The following PKIG variants were observed in gnomAD, a reference collection of about 807,000 sequenced individuals.
PKIG encodes protein kinase (cAMP-dependent, catalytic) inhibitor gamma.
A neutral mutation model predicts 6.8 loss-of-function variants in PKIG; 1 was observed. The ratio of observed to expected loss-of-function variants is 0.15; its 90% confidence interval spans 0.05 to 0.69. The LOEUF (loss-of-function observed/expected upper bound fraction) is 0.69. Ranked by LOEUF, PKIG falls within the 30% of genes least tolerant of loss-of-function variation. PKIG has a pLI of 0.82. For synonymous variants in PKIG, 39 were observed against 43.0 expected, an observed-to-expected ratio of 0.91 and a Z score of 0.36; for missense variants, 77 against 104.0, an observed-to-expected ratio of 0.74 and a Z score of 1.13.
chr20:44,574,789 C>T (rs956786719), intron 1 of PKIG, among the ~76,000 whole-genome samples: 1 of 151,838 alleles, frequency 6.6e-6, no homozygotes, highest in Non-Finnish European at 1.5e-5. Context: ...AGGCTGGTCT[C>T]GAACTCCTGA....
At chr20:44,545,708 G>T (rs962880995) in intron 1 of PKIG, among the ~76,000 whole-genome samples, 3 of 152,034 alleles carry the variant, frequency 2.0e-5, no homozygotes, top group Non-Finnish European at 4.4e-5. Context: ...CTAGCTACTT[G>T]GGAGGCTGAA....
At chr20:44,545,679 G>T (rs1475390761) in intron 1 of PKIG, among the ~76,000 whole-genome samples, 8 of 151,976 alleles carry the variant, frequency 5.3e-5, no homozygotes, top group Admixed American at 5.2e-4. Context: ...GCCAGATGTG[G>T]TGGTGTGTCC....
chr20:44,618,489 G>A lies in PKIG; in HGVS notation c.*125G>A. On this transcript the variant is annotated 3_prime_UTR_variant, in exon 4 of 4. Coordinates refer to ENST00000372886, the MANE Select transcript of PKIG (RefSeq NM_001281445.2). Reference sequence around the variant, plus strand: ...TCCCAGATAAACCAGGCCAGACTGAGAAGGCTCCCCAGAGGCCTCTGTGGC... The same window carrying A: ...TCCCAGATAAACCAGGCCAGACTGAAAAGGCTCCCCAGAGGCCTCTGTGGC... 1.4e-6 allele frequency: 1 copy of A among 727,278 alleles called. No individual in the cohort carries two copies. The highest frequency in any genetic ancestry group is 2.4e-6 in the Non-Finnish European group (1 of 408,886). The allele number at this position is 727,278 out of a possible 1,614,324, so 45.1% of individuals were successfully genotyped here. A position where few individuals can be genotyped will look rare whatever the true frequency, so the allele number is the denominator to read the frequency against.
At chr20:44,589,932 T>C (rs961297284) in intron 2 of PKIG, 66 bp downstream of exon 2, 1 of 152,350 alleles carries the variant, frequency 6.6e-6, no homozygotes, top group African/African-American at 2.4e-5. Flanking sequence ...AATATCTTTA[T>C]TTCTGGTTGA....
intron 2 of PKIG, among the ~76,000 whole-genome samples, chr20:44,596,691 C>T (rs376384968): frequency 1.6e-4 from 25 of 152,268 alleles, no homozygotes; most frequent in East Asian, 1.9e-4. Context: ...CAGCTGAAGA[C>T]GGCAGAGCCC....
chr20:44,569,537 C>T (rs2064837146), intron 1 of PKIG, among the ~76,000 whole-genome samples: 1 of 152,100 alleles, frequency 6.6e-6, no homozygotes, highest in African/African-American at 2.4e-5. Context: ...GTGGTGGTTA[C>T]TTCCAAAACT....
At chr20:44,550,241 A>G (rs73284587) in intron 1 of PKIG, among the ~76,000 whole-genome samples, 10,588 of 151,568 alleles carry the variant, frequency 0.07, 407 homozygotes, top group South Asian at 0.15. Context: ...AAAAAATTGA[A>G]TTAAAAGATA....
At chr20:44,610,500 TCA>T (rs559846553) in intron 2 of PKIG, among the ~76,000 whole-genome samples, 231 of 135,338 alleles carry the variant, frequency 1.7e-3, no homozygotes, top group South Asian at 5.1e-3. Flanking sequence ...TCTCTCTCTC[TCA>T]CACACACACA....
At chr20:44,569,288 C>T (rs1365697419) in intron 1 of PKIG, among the ~76,000 whole-genome samples, 4 of 152,166 alleles carry the variant, frequency 2.6e-5, no homozygotes, top group African/African-American at 9.7e-5. Flanking sequence ...TTTTCTCTCT[C>T]CTGAAATTTA....
intron 1 of PKIG, among the ~76,000 whole-genome samples, chr20:44,572,658 A>G (rs2064863783): frequency 6.6e-6 from 1 of 152,180 alleles, no homozygotes; most frequent in Non-Finnish European, 1.5e-5. Flanking sequence ...AAATATGTGC[A>G]GATTGCTGGG....
At chr20:44,600,809 G>A (rs1214371661) in intron 2 of PKIG, among the ~76,000 whole-genome samples, 3 of 152,082 alleles carry the variant, frequency 2.0e-5, no homozygotes, top group Non-Finnish European at 4.4e-5. Context: ...TGGTGCCCTT[G>A]CTCAGTTGGG....
At position 44,618,662 on chromosome 20, in the gene PKIG, C is replaced by T; in HGVS notation, c.*298C>T. 1 of 346,182 alleles carries T rather than the reference C, an allele frequency of 2.9e-6. No individual in the cohort carries two copies. The highest frequency in any genetic ancestry group is 2.7e-5 in the South Asian group (1 of 36,992). 21.4% of individuals were successfully genotyped at this position (346,182 alleles called of 1,614,324 possible). A position where few individuals can be genotyped will look rare whatever the true frequency, so the allele number is the denominator to read the frequency against. ...CGGGACTTGGGCGGGGCCTGCCCTA[C>T]AGTGAGCAGCCCACACAGGAACGCT... On this transcript the variant is annotated 3_prime_UTR_variant, in exon 4 of 4. Transcript: ENST00000372886.
At position 44,614,667 on chromosome 20, in the gene PKIG, G is replaced by A. The variant is rs1458973582; in HGVS notation, c.111G>A (p.Lys37=). 2 of 1,614,016 alleles carry A rather than the reference G, an allele frequency of 1.2e-6. No individual in the cohort carries two copies. The highest frequency in any genetic ancestry group is 2.2e-5 in the South Asian group (2 of 91,086). Residue 37 remains lysine, a synonymous_variant, in exon 3 of 4, where the codon AAG becomes AAA. Coordinates refer to ENST00000372886, the MANE Select transcript of PKIG (RefSeq NM_001281445.2). This position sits in a 1 kb window ranked among gnomAD's most constrained non-coding sequence, Gnocchi z 4.6. ...QGDSEAVSVR[K]LAGDMGELAL... ...ACTCAGAGGCTGTGAGCGTGAGGAA[G>A]CTGGCTGGAGACATGGGCGAGCTGG...
At chr20:44,545,079 G>T (rs1397049187) in intron 1 of PKIG, among the ~76,000 whole-genome samples, 3 of 151,644 alleles carry the variant, frequency 2.0e-5, no homozygotes, top group Non-Finnish European at 4.4e-5. Context: ...AGGATTACAG[G>T]CGTGCCCCAC....
chr20:44,542,246 G>C (rs1383661438), intron 1 of PKIG, among the ~76,000 whole-genome samples: 1 of 152,070 alleles, frequency 6.6e-6, no homozygotes, highest in Admixed American at 6.6e-5. Context: ...TCTGAGTCTA[G>C]GTTCCCTTAT....
intron 1 of PKIG, among the ~76,000 whole-genome samples, chr20:44,540,874 G>A (rs577785293): frequency 6.6e-6 from 1 of 152,296 alleles, no homozygotes; most frequent in Non-Finnish European, 1.5e-5. Context: ...GAGCCACTGC[G>A]CCTGGCCGTA....
intron 2 of PKIG, among the ~76,000 whole-genome samples, chr20:44,610,488 TC>T (rs1568835297): frequency 7.5e-4 from 86 of 114,060 alleles, no homozygotes; most frequent in African/African-American, 3.4e-3. Flanking sequence ...CTCTCTCTTC[TC>T]TCTCTCTCTC....
intron 1 of PKIG, among the ~76,000 whole-genome samples, chr20:44,571,146 A>G (rs868115124): frequency 3.3e-5 from 5 of 152,086 alleles, no homozygotes; most frequent in African/African-American, 1.2e-4. Context: ...AGGCAGGAGA[A>G]TTGCTTAAAC....
intron 2 of PKIG, among the ~76,000 whole-genome samples, chr20:44,591,697 C>T (rs2065035015): frequency 6.6e-6 from 1 of 152,174 alleles, no homozygotes; most frequent in Non-Finnish European, 1.5e-5. Context: ...CTTCAGCTTC[C>T]TTATCTATTA....
Sources: allele counts gnomAD v4.1 joint callset (sites outside exome capture counted in the v4.1 genomes callset), GRCh38; gene constraint gnomAD v4.1.1; non-coding constraint Gnocchi (gnomAD v3.1); transcripts MANE v1.5; gene names NCBI Gene and HGNC (gene_info 2026-07-23, HGNC 2026-07-21).